Variants in NLRP7 observed in about 807,000 individuals in gnomAD.
NLRP7 encodes the protein NLR family pyrin domain containing 7.
NLRP7 carries 72 observed loss-of-function variants against 85.5 expected under a neutral mutation model. That is an observed-to-expected ratio of 0.84 (90% CI 0.70 to 1.02). The LOEUF is 1.02. Among genes scored for constraint, NLRP7 ranks in the 50% least tolerant of loss-of-function variants. The pLI is 0.00. For synonymous variants in NLRP7, 550 were observed against 505.2 expected (o/e 1.09, Z -1.19); for missense variants, 1,243 against 1,219.5 (o/e 1.02, Z -0.29).
chr19:54,962,394 A>T (rs1379238161), intron 1 of NLRP7, among the ~76,000 whole-genome samples: 2 of 149,450 alleles, frequency 1.3e-5, no homozygotes, highest in African/African-American at 2.5e-5. Context: ...CAGCCTCCAG[A>T]ATAGCTGGAA....
intron 1 of NLRP7, among the ~76,000 whole-genome samples, chr19:54,947,150 C>T (rs1306971364): frequency 6.6e-6 from 1 of 151,998 alleles, no homozygotes; most frequent in Non-Finnish European, 1.5e-5. Context: ...CATGGTGAGA[C>T]CCCGTCTCTA....
At chr19:54,924,556 G>A (rs1378245536) in intron 9 of NLRP7, among the ~76,000 whole-genome samples, 2 of 152,100 alleles carry the variant, frequency 1.3e-5, no homozygotes, top group African/African-American at 2.4e-5. Flanking sequence ...CCCAGGAGGC[G>A]GAGGTTGCAA....
intron 2 of NLRP7, 30 bp from the exon 3 acceptor site, chr19:54,941,035 C>T: frequency 7.0e-7 from 1 of 1,433,906 alleles, no homozygotes; most frequent in South Asian, 1.1e-5. Flanking sequence ...AAGCCTGACA[C>T]AGTAATTTAC....
rs752953079 is a variant in NLRP7, at chr19:54,939,863, A to G, written c.956T>C (p.Val319Ala). Residue 319 changes from valine (V) to alanine (A), a missense_variant, in exon 4 of 10, where the codon GTA becomes GCA. This residue lies in a region of NLRP7 where 591 missense variants were observed against 563.3 expected (regional missense o/e 1.05). Transcript: ENST00000340844. ...CTCCTCCAGGAAGCCCTCCACCCTT[A>G]CGTAGATCGGCTGCTGCGCCAGGAG... 6 of 1,613,750 alleles carry G rather than the reference A, an allele frequency of 3.7e-6. No individual in the cohort carries two copies. The Middle Eastern group carries it at 8.3e-4, about 222-fold the overall frequency.
intron 1 of NLRP7, among the ~76,000 whole-genome samples, chr19:54,958,662 A>ATAG (rs1482638104): frequency 6.6e-6 from 1 of 151,656 alleles, no homozygotes; most frequent in African/African-American, 2.4e-5. Context: ...AATAATAATA[A>ATAG]TAACTAGTGG....
At chr19:54,925,123 C>A (rs1311873877) in intron 9 of NLRP7, among the ~76,000 whole-genome samples, 2 of 152,004 alleles carry the variant, frequency 1.3e-5, no homozygotes, top group African/African-American at 4.8e-5. Flanking sequence ...CCAGGCTGGT[C>A]TCAAACTCCT....
upstream of NLRP7, among the ~76,000 whole-genome samples, chr19:54,950,109 A>T (rs2069621163): frequency 1.3e-5 from 2 of 151,948 alleles, no homozygotes; most frequent in Non-Finnish European, 2.9e-5. Context: ...CAAAAAAAAA[A>T]AAAACCAGGA....
At chr19:54,941,539 A>G in exon 2 of NLRP7, 1 of 1,614,130 alleles carries the variant, frequency 6.2e-7, no homozygotes, top group South Asian at 1.1e-5. Context: ...GGTGTTGACC[A>G]GAATTTCTGC....
At chr19:54,955,885 A>G (rs950348060) in intron 1 of NLRP7, among the ~76,000 whole-genome samples, 6 of 152,094 alleles carry the variant, frequency 3.9e-5, no homozygotes, top group Non-Finnish European at 7.4e-5. Context: ...ATGCCTGGCT[A>G]ATTTTTGTAT....
intron 4 of NLRP7, 94 bp downstream of exon 4, chr19:54,938,794 G>A (rs1294121467): frequency 7.3e-7 from 1 of 1,376,404 alleles, no homozygotes; most frequent in African/African-American, 1.4e-5. Context: ...CTGGAAAGAA[G>A]TCCAGCCAGA....
chr19:54,948,312 G>T (rs1197099596), upstream of NLRP7, among the ~76,000 whole-genome samples: 4 of 152,098 alleles, frequency 2.6e-5, no homozygotes, highest in Non-Finnish European at 5.9e-5. Flanking sequence ...TTGAACTAGG[G>T]AGGTGGAGGG....
chr19:54,939,336 A>C (rs2146215222), exon 4 of NLRP7: 1 of 1,614,132 alleles, frequency 6.2e-7, no homozygotes, highest in East Asian at 2.2e-5. Flanking sequence ...CCGATGTCCC[A>C]GGCGTGGCCG....
exon 5 of NLRP7, chr19:54,938,081 G>A: frequency 6.2e-7 from 1 of 1,614,018 alleles, no homozygotes; most frequent in East Asian, 2.2e-5. Context: ...CGGGTTACGT[G>A]GTCACAAAGA....
At chr19:54,959,197 G>A (rs1051443076) in intron 1 of NLRP7, among the ~76,000 whole-genome samples, 2 of 148,718 alleles carry the variant, frequency 1.3e-5, no homozygotes, top group African/African-American at 5.0e-5. Context: ...GGAGTGCAGT[G>A]GCACAATCTC....
chr19:54,940,420 G>C, exon 4 of NLRP7: 2 of 1,614,026 alleles, frequency 1.2e-6, no homozygotes, highest in Non-Finnish European at 1.7e-6. Flanking sequence ...TGTTCTTCCA[G>C]ACCAAAGACT....
At chr19:54,948,863 T>A (rs1461934606), upstream of NLRP7, 2 of 161,568 alleles carry the variant, frequency 1.2e-5, no homozygotes, top group African/African-American at 4.8e-5. Flanking sequence ...AATAAAACAG[T>A]GTATGTTGTG....
At chr19:54,960,537 C>A (rs896735483) in intron 1 of NLRP7, among the ~76,000 whole-genome samples, 3 of 151,212 alleles carry the variant, frequency 2.0e-5, no homozygotes, top group South Asian at 2.1e-4. Context: ...ATTTCAGTCT[C>A]AATTTCCTCA....
In NLRP7 at chr19:54,934,471, T is replaced by C; in HGVS notation, c.2471+18A>G. 2.5e-6 allele frequency: 4 copies of C among 1,613,580 alleles called. No homozygotes were observed. Among genetic ancestry groups the C allele is most frequent in the South Asian group, 2.2e-5 (2 of 91,072 alleles). ...CCCAGAACTAAACCAGAGCTGCCCA[T>C]GGGAAGAGGAGACTTACGACAACAT... On this transcript the variant is annotated intron_variant, in intron 7 of 9. Coordinates refer to ENST00000340844, the Ensembl canonical transcript of NLRP7. This position sits in a 1 kb window ranked among gnomAD's most constrained non-coding sequence, Gnocchi z 6.7.
exon 4 of NLRP7, chr19:54,940,210 C>T (rs777615076): frequency 1.9e-6 from 3 of 1,614,060 alleles, no homozygotes; most frequent in East Asian, 2.2e-5. Context: ...CGTATCTGAG[C>T]GTCGGGCTGA....
Sources: gnomAD v4.1 joint callset for allele counts (sites outside exome capture counted in the v4.1 genomes callset) on GRCh38, gnomAD v4.1.1 for gene constraint, gnomAD v4.1.1 regional missense constraint, Gnocchi (gnomAD v3.1) non-coding constraint, MANE v1.5 for transcripts, NCBI Gene and HGNC (gene_info 2026-07-23, HGNC 2026-07-21) for gene names.